The following HDAC9 variants were observed in gnomAD, a reference collection of about 807,000 sequenced individuals.
The protein encoded by HDAC9 is histone deacetylase 9, also known as MEF-2 interacting transcription repressor (MITR) protein.
In HDAC9, 41 loss-of-function variants were observed where a neutral mutation model predicts 139.4. The ratio of observed to expected loss-of-function variants is 0.29; its 90% CI spans 0.23 to 0.38. The LOEUF is 0.38. Among genes scored for constraint, HDAC9 ranks in the 10% least tolerant of loss-of-function variants. The pLI is 1.00. For missense variants in HDAC9, 1,147 were observed against 1,297.0 expected (o/e 0.88, Z 1.78); for synonymous variants, 517 against 476.2 (o/e 1.09, Z -1.12).
intron 13 of HDAC9, among the ~76,000 whole-genome samples, chr7:18,729,677 G>T (rs1270016653): frequency 1.3e-5 from 2 of 151,798 alleles, no homozygotes; most frequent in Non-Finnish European, 2.9e-5. Context: ...AGAGAGTTAG[G>T]TTTTTTTCCC....
chr7:18,208,304 C>T (rs1053701579), intron 2 of HDAC9, among the ~76,000 whole-genome samples: 1 of 151,928 alleles, frequency 6.6e-6, no homozygotes, highest in Admixed American at 6.6e-5. Flanking sequence ...AATGACTCCC[C>T]TAATCTGAAG....
intron 3 of HDAC9, 114 bp from the exon 4 acceptor site, chr7:18,590,222 A>C: frequency 9.1e-7 from 1 of 1,095,908 alleles, no homozygotes; most frequent in Non-Finnish European, 1.3e-6. Flanking sequence ...AGTGGGTACA[A>C]ATATGAACTA....
intron 21 of HDAC9, among the ~76,000 whole-genome samples, chr7:18,862,780 A>C (rs1216119868): frequency 2.0e-5 from 3 of 152,232 alleles, no homozygotes; most frequent in South Asian, 4.1e-4. Context: ...AAATAGGGCA[A>C]GATAAGAGGA....
intron 1 of HDAC9, among the ~76,000 whole-genome samples, chr7:18,467,974 A>T (rs562343172): frequency 6.6e-6 from 1 of 152,180 alleles, no homozygotes; most frequent in East Asian, 1.9e-4. Context: ...CTGTTGGGTT[A>T]TATCTGTTTT....
chr7:18,955,545 A>T (rs1485650306), intron 24 of HDAC9, among the ~76,000 whole-genome samples: 1 of 152,156 alleles, frequency 6.6e-6, no homozygotes, highest in Non-Finnish European at 1.5e-5. Flanking sequence ...GTATATTCTG[A>T]GCATATCACT....
chr7:18,944,550 CTG>C (rs1294138168), intron 23 of HDAC9, among the ~76,000 whole-genome samples: 2 of 152,072 alleles, frequency 1.3e-5, no homozygotes, highest in Non-Finnish European at 2.9e-5. Flanking sequence ...TTTTGCTACA[CTG>C]TTTTTAATTG....
intron 2 of HDAC9, among the ~76,000 whole-genome samples, chr7:18,505,410 A>G (rs558318835): frequency 3.9e-5 from 6 of 152,312 alleles, no homozygotes; most frequent in African/African-American, 1.2e-4. Context: ...TCACCACTCA[A>G]ATCCTAATTT....
At chr7:18,907,978 G>T (rs892181828) in intron 22 of HDAC9, among the ~76,000 whole-genome samples, 3 of 151,900 alleles carry the variant, frequency 2.0e-5, no homozygotes, top group African/African-American at 7.3e-5. Flanking sequence ...ATTTTTCCAG[G>T]ATAGAATGTT....
intron 2 of HDAC9, among the ~76,000 whole-genome samples, chr7:18,264,276 A>C (rs536484335): frequency 5.1e-4 from 77 of 152,324 alleles, no homozygotes; most frequent in African/African-American, 1.7e-3. Flanking sequence ...TAGGCCATAA[A>C]ATAAGTTTCA....
intron 2 of HDAC9, among the ~76,000 whole-genome samples, chr7:18,498,468 G>A (rs140741425): frequency 6.6e-6 from 1 of 152,224 alleles, no homozygotes; most frequent in Non-Finnish European, 1.5e-5. Context: ...GGTGATGCTG[G>A]TGAACCACTA....
At chr7:18,326,184 C>A (rs1386998173) in intron 1 of HDAC9, among the ~76,000 whole-genome samples, 1 of 151,962 alleles carries the variant, frequency 6.6e-6, no homozygotes, top group African/African-American at 2.4e-5. Context: ...ATGTAAAGAT[C>A]TGTTATTGTC....
At chr7:18,771,015 G>T (rs945885326) in intron 16 of HDAC9, among the ~76,000 whole-genome samples, 1 of 152,156 alleles carries the variant, frequency 6.6e-6, no homozygotes, top group Non-Finnish European at 1.5e-5. Context: ...CCAAAAGGCA[G>T]AAAAATAAAC....
At chr7:18,515,015 C>G (rs1042958520) in intron 2 of HDAC9, among the ~76,000 whole-genome samples, 10 of 152,078 alleles carry the variant, frequency 6.6e-5, no homozygotes, top group African/African-American at 2.4e-4. Flanking sequence ...GGGATAAGTA[C>G]TACATAGTCC....
At chr7:18,768,785 G>T (rs115885786) in intron 16 of HDAC9, among the ~76,000 whole-genome samples, 2,197 of 152,164 alleles carry the variant, frequency 0.014, 45 homozygotes, top group African/African-American at 0.05. Flanking sequence ...AGTTATGATG[G>T]TTCAATTTAT....
In HDAC9 at chr7:18,819,476, A is replaced by G. The variant is rs937798059; in HGVS notation, c.2323-9685A>G. Among the ~76,000 whole-genome samples, 4 of 152,204 alleles carry G rather than the reference A, an allele frequency of 2.6e-5. No individual in the cohort carries two copies. In the East Asian group the frequency reaches 7.7e-4, roughly 29 times the overall value. On this transcript the variant is annotated intron_variant, in intron 17 of 25. Coordinates refer to ENST00000686413, the MANE Select transcript of HDAC9 (RefSeq NM_178425.4). ...TGAATTTCATCAGTTATGAAAATAG[A>G]CTAGTCTAAAATGATCAGATTCTTT...
In HDAC9 at chr7:18,585,515, A is replaced by G; in HGVS notation, c.257A>G (p.His86Arg). ...CAGCACCAGGCTCAGCTTCAGGAGC[A>G]TATCAAGGTAGCAAATGCTTCTTTG... ...TRQHQAQLQE[H>R]IKLQQELLAI... The change falls in exon 3 of 26, where the codon CAT becomes CGT. Residue 86 changes from histidine to arginine, a missense_variant. Physicochemically the swap from His to Arg is conservative, Grantham distance 29. Around this residue, in one of 7 missense-constraint regions of HDAC9, gnomAD observed 136 missense variants for 183.5 expected, o/e 0.74. Transcript: ENST00000686413. 6.2e-7 allele frequency: 1 copy of G among 1,613,546 alleles called. No individual in the cohort carries two copies. The highest frequency in any genetic ancestry group is 8.5e-7 in the Non-Finnish European group (1 of 1,179,718).
chr7:18,805,512 T>C (rs754957334), intron 17 of HDAC9, among the ~76,000 whole-genome samples: 1 of 152,196 alleles, frequency 6.6e-6, no homozygotes, highest in Non-Finnish European at 1.5e-5. Context: ...GCAAGGATTT[T>C]TCCCCCTGCG....
Position 18,999,459 on chromosome 7 carries a change from A to C in HDAC9, c.*3397A>C, listed in dbSNP as rs562812810. On this transcript the variant is annotated 3_prime_UTR_variant, in exon 26 of 26. Transcript: ENST00000686413. Reference sequence around the variant, plus strand: ...AATTCCTCTTCAATCAGCATTTTAAAACTTTTTTATTTTTGAGTCAGAGTT... The same window carrying C: ...AATTCCTCTTCAATCAGCATTTTAACACTTTTTTATTTTTGAGTCAGAGTT... The C allele has an allele frequency of 1.3e-5, 2 of 152,314 alleles. No individual in the cohort carries two copies. Among genetic ancestry groups the C allele is most frequent in the Admixed American group, 6.5e-5 (1 of 15,284 alleles). 9.4% of individuals were successfully genotyped at this position (152,314 alleles called of 1,614,324 possible).
chr7:18,372,892 A>C (rs1473079682), intron 1 of HDAC9, among the ~76,000 whole-genome samples: 2 of 152,220 alleles, frequency 1.3e-5, no homozygotes, highest in African/African-American at 4.8e-5. Context: ...AGATTTCTCT[A>C]TTCATAACAA....
Sources: gnomAD v4.1 joint callset for allele counts (sites outside exome capture counted in the v4.1 genomes callset) on GRCh38, gnomAD v4.1.1 for gene constraint, gnomAD v4.1.1 regional missense constraint, MANE v1.5 for transcripts, NCBI Gene and HGNC (gene_info 2026-07-23, HGNC 2026-07-21) for gene names.